GNAS: variants seen among roughly 807,000 people sequenced by gnomAD.
The protein encoded by GNAS is GNAS complex locus.
In GNAS, 8 loss-of-function variants were observed where a neutral mutation model predicts 54.5. The ratio of observed to expected loss-of-function variants is 0.15; its 90% confidence interval spans 0.09 to 0.26. GNAS has a LOEUF of 0.26. GNAS is among the 10% of genes least tolerant of loss of function. GNAS has a pLI of 1.00. For synonymous variants in GNAS, 204 were observed against 191.4 expected (o/e 1.07, Z -0.54); for missense variants, 170 against 529.8 (o/e 0.32, Z 6.67).
At chr20:58,903,337 C>A in intron 3 of GNAS, 194 bp from the exon 4 acceptor site, 1 of 680,350 alleles carries the variant, frequency 1.5e-6, no homozygotes. Flanking sequence ...TTGGGCGTGT[C>A]CTCAGGGCAC....
intron 1 of GNAS, among the ~76,000 whole-genome samples, chr20:58,858,208 A>G (rs2086596122): frequency 6.6e-6 from 1 of 152,210 alleles, no homozygotes; most frequent in Non-Finnish European, 1.5e-5. Context: ...ATACATCCCT[A>G]CCACTGAAAA....
upstream of GNAS, chr20:58,839,855 C>A: frequency 1.7e-6 from 1 of 596,790 alleles, no homozygotes; most frequent in South Asian, 2.0e-5. Context: ...GGAGACAGAA[C>A]TTTCCCCTTT....
At chr20:58,908,582 T>C (rs189217426) in intron 6 of GNAS, among the ~76,000 whole-genome samples, 105 of 152,204 alleles carry the variant, frequency 6.9e-4, no homozygotes, top group African/African-American at 2.4e-3. Flanking sequence ...CACTTTATTG[T>C]TTTTTAACTG....
chr20:58,899,094 G>A, intron 3 of GNAS, 109 bp downstream of exon 3: 1 of 880,368 alleles, frequency 1.1e-6, no homozygotes, highest in Non-Finnish European at 1.9e-6. Flanking sequence ...ATCATTTAAA[G>A]GACCATCAGC....
At chr20:58,890,857 G>T (rs916029045), upstream of GNAS, 1 of 152,290 alleles carries the variant, frequency 6.6e-6, no homozygotes, top group Non-Finnish European at 1.5e-5. Flanking sequence ...CTGTCCTTTG[G>T]TTCGTGCTCG....
At chr20:58,852,627 T>G (rs2086225885) in intron 1 of GNAS, 1 of 180,944 alleles carries the variant, frequency 5.5e-6, no homozygotes, top group African/African-American at 2.4e-5. Flanking sequence ...TTTCAGCTCC[T>G]GTACTCCAGC....
chr20:58,840,148 C>T, upstream of GNAS: 1 of 1,611,698 alleles, frequency 6.2e-7, no homozygotes, highest in Non-Finnish European at 8.5e-7. The surrounding 1 kb of genome is among the most constrained non-coding windows in gnomAD (Gnocchi z 6.0). Context: ...GCCGAGCTCG[C>T]CATAATTACA....
intron 1 of GNAS, chr20:58,892,236 GC>G: frequency 1.1e-6 from 1 of 948,906 alleles, no homozygotes; most frequent in Non-Finnish European, 1.3e-6. Flanking sequence ...GGGAGGGGGA[GC>G]CCATGGGGCT....
chr20:58,872,982 G>T (rs1437210715), intron 1 of GNAS, among the ~76,000 whole-genome samples: 1 of 152,232 alleles, frequency 6.6e-6, no homozygotes, highest in Non-Finnish European at 1.5e-5. Context: ...GGCAGAAGTG[G>T]CTTCCTGGGC....
Position 58,910,172 on chromosome 20 carries a change from C to A in GNAS, c.970+91C>A. ...AAAACCCCCATCCCCCTCCCACCAC[C>A]AAACCATAAAGGATCTATAAGAGAA... is the stretch of plus-strand genomic sequence containing the variant. On this transcript the variant is annotated intron_variant, in intron 11 of 12. Transcript: ENST00000371085. The surrounding 1 kb of genome is among the most constrained non-coding windows in gnomAD (Gnocchi z 5.8). 2.9e-6 allele frequency: 4 copies of A among 1,386,140 alleles called. No individual in the cohort carries two copies. The highest frequency in any genetic ancestry group is 3.1e-6 in the Non-Finnish European group (3 of 972,542). The allele number at this position is 1,386,140 out of a possible 1,614,324, so 85.9% of individuals were successfully genotyped here.
rs371427213 is a variant in GNAS at position 58,852,393 on chromosome 20, C to T, written c.43+11507C>T. Reference sequence around the variant, plus strand: ...ACTCGGCATCCCCTCTCCCTCGCCTCTCTCTGCTTCTTTGGTGGGCTCACG... The same window carrying T: ...ACTCGGCATCCCCTCTCCCTCGCCTTTCTCTGCTTCTTTGGTGGGCTCACG... On this transcript the variant is annotated intron_variant, in intron 1 of 12. Coordinates refer to the GNAS transcript ENST00000306090. Among the ~76,000 whole-genome samples, 23 of 152,362 alleles carry T rather than the reference C, an allele frequency of 1.5e-4. No homozygotes were observed. In the South Asian group the frequency reaches 4.8e-3, roughly 32 times the overall value.
chr20:58,872,345 C>A (rs1298036091), intron 1 of GNAS, among the ~76,000 whole-genome samples: 1 of 127,712 alleles, frequency 7.8e-6, no homozygotes, highest in East Asian at 3.4e-4. Flanking sequence ...CCTTCTAGTT[C>A]TTTAAAAAAA....
At chr20:58,899,830 T>C (rs1166667489) in intron 3 of GNAS, 4 of 679,206 alleles carry the variant, frequency 5.9e-6, no homozygotes, top group Admixed American at 2.2e-5. Context: ...TCCAGAACCA[T>C]TGACTTAGTT....
chr20:58,875,685 G>C (rs983874151), intron 1 of GNAS, among the ~76,000 whole-genome samples: 1 of 151,806 alleles, frequency 6.6e-6, no homozygotes, highest in Non-Finnish European at 1.5e-5. Flanking sequence ...GCAGCGGGGT[G>C]CCCCCCCCAC....
intron 1 of GNAS, among the ~76,000 whole-genome samples, chr20:58,844,827 CAACA>C (rs1280726133): frequency 6.6e-6 from 1 of 151,662 alleles, no homozygotes; most frequent in Non-Finnish European, 1.5e-5. Flanking sequence ...ACAACAACAA[CAACA>C]AAAAACCCCG....
upstream of GNAS, among the ~76,000 whole-genome samples, chr20:58,886,440 T>C (rs557862478): frequency 6.6e-6 from 1 of 152,190 alleles, no homozygotes; most frequent in South Asian, 2.1e-4. Context: ...TTCTGCCCTT[T>C]GTCCCTCCCT....
chr20:58,860,576 C>T (rs1465410234), intron 1 of GNAS, among the ~76,000 whole-genome samples: 2 of 152,076 alleles, frequency 1.3e-5, no homozygotes, highest in Non-Finnish European at 2.9e-5. Context: ...GTATGCCTTA[C>T]TTCTAGTCCA....
chr20:58,865,010 T>A (rs558975110), intron 1 of GNAS, among the ~76,000 whole-genome samples: 1 of 152,174 alleles, frequency 6.6e-6, no homozygotes, highest in African/African-American at 2.4e-5. Flanking sequence ...CAAAACTGTT[T>A]CTAGTCATTG....
rs183454229 is a variant in GNAS at position 58,841,615 on chromosome 20, C to G, written c.43+729C>G. 2,026 of 1,048,726 alleles carry G rather than the reference C, an allele frequency of 1.9e-3. 35 individuals carry two copies. In the African/African-American group the frequency reaches 0.032, roughly 16 times the overall value. The allele number at this position is 1,048,726 out of a possible 1,614,324, so 65.0% of individuals were successfully genotyped here. On this transcript the variant is annotated intron_variant, in intron 1 of 12. Coordinates refer to the GNAS transcript ENST00000306090. The surrounding 1 kb of genome is among the most constrained non-coding windows in gnomAD (Gnocchi z 5.0). ...GCCTCAAAGAGCGTGCGCACCTGCCCGCGCGCGCCGGAGCTGACCTCTCCC... is the reference window on the plus strand; with the variant it reads ...GCCTCAAAGAGCGTGCGCACCTGCCGGCGCGCGCCGGAGCTGACCTCTCCC...
Sources: gnomAD v4.1 joint callset for allele counts (sites outside exome capture counted in the v4.1 genomes callset) on GRCh38, gnomAD v4.1.1 for gene constraint, Gnocchi (gnomAD v3.1) non-coding constraint, MANE v1.5 for transcripts, NCBI Gene and HGNC (gene_info 2026-07-23, HGNC 2026-07-21) for gene names.